SPAG16: variants seen among roughly 807,000 people sequenced by gnomAD.
The protein encoded by SPAG16 is sperm-associated antigen 16 protein.
In SPAG16, 86 loss-of-function variants were observed where a neutral mutation model predicts 80.4. The ratio of observed to expected loss-of-function variants is 1.07; its 90% CI spans 0.90 to 1.28. The LOEUF (loss-of-function observed/expected upper bound fraction) is 1.28. SPAG16 is among the 50% of genes most tolerant of loss of function. The pLI is 0.00. For missense variants in SPAG16, 870 were observed against 765.3 expected (o/e 1.14, Z -1.61); for synonymous variants, 294 against 265.9 (o/e 1.11, Z -1.03).
At chr2:213,507,589 C>T (rs2075016314) in intron 10 of SPAG16, among the ~76,000 whole-genome samples, 1 of 152,206 alleles carries the variant, frequency 6.6e-6, no homozygotes, top group African/African-American at 2.4e-5. Context: ...TCCTTTTCAG[C>T]AATGTAGTGA....
At chr2:214,399,419 T>G (rs138553335) in intron 15 of SPAG16, among the ~76,000 whole-genome samples, 10 of 152,206 alleles carry the variant, frequency 6.6e-5, no homozygotes, top group Non-Finnish European at 1.0e-4. Context: ...AGGATGAAGT[T>G]CTAAAATTAG....
chr2:213,675,372 A>T (rs2064009047), intron 10 of SPAG16, among the ~76,000 whole-genome samples: 2 of 152,140 alleles, frequency 1.3e-5, no homozygotes, highest in South Asian at 4.1e-4. Flanking sequence ...TTTGCTGTGC[A>T]GAAGCTCTTT....
At chr2:213,848,991 A>C (rs918294419) in intron 10 of SPAG16, among the ~76,000 whole-genome samples, 14 of 152,168 alleles carry the variant, frequency 9.2e-5, no homozygotes, top group Admixed American at 5.2e-4. Flanking sequence ...TCAAATTCCA[A>C]ACCTTATGGG....
chr2:213,343,894 A>T (rs2064823020), intron 6 of SPAG16, among the ~76,000 whole-genome samples: 1 of 152,110 alleles, frequency 6.6e-6, no homozygotes, highest in Non-Finnish European at 1.5e-5. Context: ...ATAGTCCATC[A>T]TAGGTGTGTA....
intron 13 of SPAG16, among the ~76,000 whole-genome samples, chr2:214,067,570 A>G (rs2050589678): frequency 6.6e-6 from 1 of 152,016 alleles, no homozygotes; most frequent in African/African-American, 2.4e-5. Context: ...TATAAAATAT[A>G]CTCAAAATTT....
Position 213,406,926 on chromosome 2 carries a change from G to A in SPAG16, c.942+31807G>A, listed in dbSNP as rs531540036. Among the ~76,000 whole-genome samples the A allele has an allele frequency of 8.4e-3, 1,150 of 136,992 alleles. 21 individuals carry two copies. The highest frequency in any genetic ancestry group is 0.032 in the African/African-American group (1,106 of 34,690). The allele number at this position is 136,992 out of a possible 152,430, so 89.9% of individuals were successfully genotyped here. On this transcript the variant is annotated intron_variant, in intron 9 of 15. Coordinates refer to ENST00000331683, the MANE Select transcript of SPAG16 (RefSeq NM_024532.5). Reference sequence around the variant, plus strand: ...GCAAGGAATAACCCGAGCTCTCAGCGACGCGGATTTAAAAAAAAAAAAAAA... The same window carrying A: ...GCAAGGAATAACCCGAGCTCTCAGCAACGCGGATTTAAAAAAAAAAAAAAA...
At chr2:213,658,809 T>C (rs1370598599) in intron 10 of SPAG16, among the ~76,000 whole-genome samples, 1 of 152,136 alleles carries the variant, frequency 6.6e-6, no homozygotes, top group Non-Finnish European at 1.5e-5. Context: ...GAGGCCAAGG[T>C]GGGCGGATCA....
chr2:213,284,506 C>T lies in SPAG16; in HGVS notation c.23C>T (p.Pro8Leu). 5 of 1,577,004 alleles carry T rather than the reference C, an allele frequency of 3.2e-6. No homozygotes were observed. Among genetic ancestry groups the T allele is most frequent in the South Asian group, 2.3e-5 (2 of 86,276 alleles). The part of the protein sequence containing the change: MAAQRGM[P>L]SSAVRVLEEA... ...GAGATGGCTGCTCAGCGAGGGATGC[C>T]CAGCTCCGCCGTGAGGGTCCTGGAA... The change falls in exon 1 of 16, where the codon CCC becomes CTC. Residue 8 changes from proline to leucine, a missense_variant. Physicochemically the swap from Pro to Leu is moderately conservative, Grantham distance 98. Transcript: ENST00000331683.
intron 15 of SPAG16, among the ~76,000 whole-genome samples, chr2:214,176,318 T>C (rs1272847855): frequency 6.6e-6 from 1 of 151,258 alleles, no homozygotes; most frequent in Non-Finnish European, 1.5e-5. Context: ...AGAGGTGCTA[T>C]AGATAGTCAT....
intron 10 of SPAG16, among the ~76,000 whole-genome samples, chr2:213,685,476 C>A (rs1409965356): frequency 6.6e-6 from 1 of 152,220 alleles, no homozygotes; most frequent in Non-Finnish European, 1.5e-5. Context: ...CTGCTAACAC[C>A]TTGAGTTTGG....
intron 15 of SPAG16, among the ~76,000 whole-genome samples, chr2:214,165,634 C>A (rs1180156005): frequency 1.3e-5 from 2 of 151,008 alleles, no homozygotes; most frequent in Admixed American, 6.6e-5. Context: ...CACTGCCCCC[C>A]ACCCCCTTGA....
At chr2:213,407,755 GAGAC>G (rs1480533304) in intron 9 of SPAG16, among the ~76,000 whole-genome samples, 17 of 149,506 alleles carry the variant, frequency 1.1e-4, no homozygotes, top group African/African-American at 3.7e-4. Flanking sequence ...GAGGCAGAGA[GAGAC>G]AGGAGAGAGG....
chr2:213,578,747 C>G (rs1045318674), intron 10 of SPAG16, among the ~76,000 whole-genome samples: 3 of 151,922 alleles, frequency 2.0e-5, no homozygotes, highest in Admixed American at 6.6e-5. Context: ...AAAAAGACAA[C>G]TATTTTTTTT....
chr2:213,717,992 C>G (rs1182418633), intron 10 of SPAG16, among the ~76,000 whole-genome samples: 1 of 151,948 alleles, frequency 6.6e-6, no homozygotes, highest in African/African-American at 2.4e-5. Context: ...CCAAAATTGA[C>G]AAATGGGATC....
intron 10 of SPAG16, among the ~76,000 whole-genome samples, chr2:213,613,748 T>G (rs112642910): frequency 0.02 from 3,118 of 152,334 alleles, 46 homozygotes; most frequent in Middle Eastern, 0.051. Flanking sequence ...CTTTTTCTTT[T>G]CATTACTGTA....
chr2:213,423,469 T>G (rs931483261), intron 9 of SPAG16, among the ~76,000 whole-genome samples: 12 of 152,202 alleles, frequency 7.9e-5, no homozygotes, highest in African/African-American at 2.7e-4. Flanking sequence ...GATGCTAGGT[T>G]GGTCACATAC....
At chr2:213,796,171 G>A (rs1207531576) in intron 10 of SPAG16, among the ~76,000 whole-genome samples, 1 of 151,836 alleles carries the variant, frequency 6.6e-6, no homozygotes, top group Admixed American at 6.6e-5. Flanking sequence ...ATATATTATA[G>A]TAATTTAATT....
At chr2:213,535,783 G>T (rs954509888) in intron 10 of SPAG16, among the ~76,000 whole-genome samples, 1 of 152,112 alleles carries the variant, frequency 6.6e-6, no homozygotes, top group Non-Finnish European at 1.5e-5. Context: ...GCTAACAAAT[G>T]ACTACATTCT....
At chr2:213,450,412 G>T (rs1056764419) in intron 9 of SPAG16, among the ~76,000 whole-genome samples, 1 of 152,142 alleles carries the variant, frequency 6.6e-6, no homozygotes, top group Non-Finnish European at 1.5e-5. Context: ...TTATATCTTC[G>T]TTTAACTTGG....
Sources: gnomAD v4.1 joint callset for allele counts (sites outside exome capture counted in the v4.1 genomes callset) on GRCh38, gnomAD v4.1.1 for gene constraint, MANE v1.5 for transcripts, NCBI Gene and HGNC (gene_info 2026-07-23, HGNC 2026-07-21) for gene names.